ORC4: variants seen among roughly 807,000 people sequenced by gnomAD.
The protein encoded by ORC4 is origin recognition complex subunit 4, also known as origin recognition complex, subunit 4 homolog.
A neutral mutation model predicts 63.9 loss-of-function variants in ORC4; 55 were observed. The ratio of observed to expected loss-of-function variants is 0.86; its 90% CI spans 0.69 to 1.08. The LOEUF is 1.08. Among genes scored for constraint, ORC4 ranks in the 50% least tolerant of loss-of-function variants. The pLI, the probability that ORC4 is intolerant of heterozygous loss-of-function variation, is 0.00. For synonymous variants in ORC4, 150 were observed against 168.5 expected (o/e 0.89, Z 0.85); for missense variants, 511 against 504.4 (o/e 1.01, Z -0.13).
chr2:147,969,646 T>C (rs1328481853), intron 4 of ORC4, among the ~76,000 whole-genome samples: 1 of 151,842 alleles, frequency 6.6e-6, no homozygotes, highest in East Asian at 1.9e-4. Context: ...ATGAAAAAGA[T>C]GGTAGACATG....
At chr2:148,019,452 C>T (rs1323807305) in intron 1 of ORC4, among the ~76,000 whole-genome samples, 1 of 152,092 alleles carries the variant, frequency 6.6e-6, no homozygotes, top group African/African-American at 2.4e-5. Context: ...ATTAGCCAGG[C>T]GTGGTGGCAC....
chr2:147,976,761 T>C (rs999174518), intron 1 of ORC4, among the ~76,000 whole-genome samples: 3 of 152,190 alleles, frequency 2.0e-5, no homozygotes, highest in Admixed American at 2.0e-4. Context: ...TATTGAATTA[T>C]TTTAAACAAA....
At chr2:147,961,949 T>C (rs976731983) in intron 4 of ORC4, among the ~76,000 whole-genome samples, 1 of 152,162 alleles carries the variant, frequency 6.6e-6, no homozygotes, top group Non-Finnish European at 1.5e-5. Context: ...GCAAGATGGC[T>C]GATTAGAGAC....
At position 147,945,960 on chromosome 2, in the gene ORC4, C is replaced by G. The variant is rs576615807; in HGVS notation, c.762+2091G>C. On this transcript the variant is annotated intron_variant, in intron 9 of 13. Coordinates refer to ENST00000392857, the MANE Select transcript of ORC4 (RefSeq NM_181741.4). Reference sequence around the variant, plus strand: ...GATAGGGGAAGAAAATATTAGAACTCAGAGACACAAACACCAGTGATGCTG... The same window carrying G: ...GATAGGGGAAGAAAATATTAGAACTGAGAGACACAAACACCAGTGATGCTG... Among the ~76,000 whole-genome samples, 3 of 152,162 alleles carry G rather than the reference C, an allele frequency of 2.0e-5. No homozygotes were observed. The East Asian group carries it at 5.8e-4, about 29-fold the overall frequency.
At chr2:148,012,132 A>T (rs1693007392) in intron 1 of ORC4, among the ~76,000 whole-genome samples, 1 of 152,194 alleles carries the variant, frequency 6.6e-6, no homozygotes, top group African/African-American at 2.4e-5. Flanking sequence ...GACCCCAAAT[A>T]GCCAAAACAA....
intron 13 of ORC4, 139 bp from the exon 14 acceptor site, chr2:147,935,837 G>T (rs780654168): frequency 7.4e-5 from 50 of 675,290 alleles, no homozygotes; most frequent in Non-Finnish European, 7.6e-5. Flanking sequence ...CAATCAATAG[G>T]ATTAAAAAAA....
In ORC4 at chr2:147,935,641, T is replaced by C; in HGVS notation, c.1180A>G (p.Asn394Asp). 6.2e-7 allele frequency: 1 copy of C among 1,613,650 alleles called. No individual in the cohort carries two copies. The highest frequency in any genetic ancestry group is 8.5e-7 in the Non-Finnish European group (1 of 1,179,794). The change falls in exon 14 of 14, where the codon AAT becomes GAT. Residue 394 changes from asparagine to aspartate, a missense_variant. Coordinates refer to ENST00000392857, the MANE Select transcript of ORC4 (RefSeq NM_181741.4). ...LIKPMERTSG[N>D]SQREYQLMKL... ...ATCAGCTGGTACTCTCTCTGTGAAT[T>C]TCCTGAAGTTCTTTCCATGGGCTTT... is the stretch of plus-strand genomic sequence containing the variant.
chr2:147,980,692 T>C (rs1264359710), intron 1 of ORC4, among the ~76,000 whole-genome samples: 2 of 152,126 alleles, frequency 1.3e-5, no homozygotes, highest in East Asian at 1.9e-4. Context: ...AGGAAGGCTA[T>C]TGTCAAAAAA....
At chr2:147,964,675 A>T (rs1425575594) in intron 4 of ORC4, among the ~76,000 whole-genome samples, 1 of 152,218 alleles carries the variant, frequency 6.6e-6, no homozygotes, top group East Asian at 1.9e-4. Context: ...CAAATAATTA[A>T]AGCAGCAAAA....
intron 1 of ORC4, among the ~76,000 whole-genome samples, chr2:147,987,387 T>G (rs1691279516): frequency 7.1e-6 from 1 of 139,970 alleles, no homozygotes; most frequent in Non-Finnish European, 1.6e-5. Context: ...TGTGTGTATA[T>G]ATATACACAC....
chr2:147,983,237 CTT>C (rs1406978693), intron 1 of ORC4, among the ~76,000 whole-genome samples: 2 of 152,218 alleles, frequency 1.3e-5, no homozygotes, highest in Non-Finnish European at 2.9e-5. Context: ...GACAGAAAAA[CTT>C]ATGTTCACAC....
chr2:147,983,836 T>C (rs531810573), intron 1 of ORC4, among the ~76,000 whole-genome samples: 1 of 152,206 alleles, frequency 6.6e-6, no homozygotes, highest in East Asian at 1.9e-4. Flanking sequence ...TGTTTCAACA[T>C]ATGGGTCTTA....
intron 7 of ORC4, 132 bp downstream of exon 7, chr2:147,955,215 T>G (rs370828294): frequency 1.5e-6 from 1 of 651,812 alleles, no homozygotes; most frequent in East Asian, 2.8e-5. Flanking sequence ...CAGTGAACAT[T>G]GTATTCTTTT....
chr2:147,990,551 C>T (rs1030737978), intron 1 of ORC4, among the ~76,000 whole-genome samples: 1 of 152,134 alleles, frequency 6.6e-6, no homozygotes, highest in Non-Finnish European at 1.5e-5. Context: ...CTCAAAAATG[C>T]TATCTATATC....
intron 1 of ORC4, among the ~76,000 whole-genome samples, chr2:147,980,181 A>T (rs759695003): frequency 1.5e-4 from 23 of 152,174 alleles, no homozygotes; most frequent in Non-Finnish European, 2.8e-4. Context: ...GTCGCTCCTC[A>T]TCAGCAGATT....
rs372244689 is a variant in ORC4, at chr2:147,938,163, T to A, written c.1105A>T (p.Lys369Ter). 2.5e-5 allele frequency: 40 copies of A among 1,611,652 alleles called. No individual in the cohort carries two copies. The African/African-American group carries it at 4.8e-4, about 19-fold the overall frequency. Residue 369 changes from lysine (K) to a stop codon, truncating the protein, a stop_gained, in exon 13 of 14, where the codon AAA becomes TAA. Transcript: ENST00000392857. LOFTEE classifies it high-confidence loss of function. ...RKAHSVYNFE[K>*]PVVMKAFEHL... ...AATCTTACCTTCATGACAACAGGTT[T>A]TTCAAAATTATAAACGGAATGTGCT... is the stretch of plus-strand genomic sequence containing the variant.
At position 147,964,290 on chromosome 2, in the gene ORC4, G is replaced by A. The variant is rs571210376; in HGVS notation, c.226-5424C>T. ...AAAAACAAACAGAAATCCTACAGCT[G>A]AAGAAGTTAATGAATGAAATAGAAA... On this transcript the variant is annotated intron_variant, in intron 4 of 13. Coordinates refer to ENST00000392857, the MANE Select transcript of ORC4 (RefSeq NM_181741.4). Among the ~76,000 whole-genome samples the A allele has an allele frequency of 2.6e-5, 4 of 152,138 alleles. No individual in the cohort carries two copies. The South Asian group carries it at 6.2e-4, about 24-fold the overall frequency.
intron 1 of ORC4, among the ~76,000 whole-genome samples, chr2:147,978,002 G>A (rs1322830017): frequency 3.9e-5 from 6 of 152,204 alleles, no homozygotes; most frequent in African/African-American, 1.2e-4. Context: ...TAGCGGGCCT[G>A]CTGTATTGAG....
chr2:147,959,055 G>T (rs1689428452), intron 4 of ORC4, among the ~76,000 whole-genome samples, 189 bp from the exon 5 acceptor site: 1 of 151,924 alleles, frequency 6.6e-6, no homozygotes, highest in Non-Finnish European at 1.5e-5. Context: ...TAAGAAACAA[G>T]AGCCAGGACT....
Sources: gnomAD v4.1 joint callset for allele counts (sites outside exome capture counted in the v4.1 genomes callset) on GRCh38, gnomAD v4.1.1 for gene constraint, MANE v1.5 for transcripts, NCBI Gene and HGNC (gene_info 2026-07-23, HGNC 2026-07-21) for gene names.